The following PPP5C variants were observed in gnomAD, a reference collection of about 807,000 sequenced individuals.
PPP5C encodes the protein serine/threonine-protein phosphatase 5.
In PPP5C, 21 loss-of-function variants were observed where a neutral mutation model predicts 66.7. That is an observed-to-expected ratio of 0.31 (90% CI 0.22 to 0.45). The LOEUF (loss-of-function observed/expected upper bound fraction) is 0.45. PPP5C is among the 20% of genes least tolerant of loss of function. The pLI, the probability that PPP5C is intolerant of heterozygous loss-of-function variation, is 1.00. For missense variants in PPP5C, 464 were observed against 675.9 expected (o/e 0.69, Z 3.48); for synonymous variants, 246 against 257.4 (o/e 0.96, Z 0.43).
At chr19:46,379,957 T>A (rs1972762248) in intron 4 of PPP5C, among the ~76,000 whole-genome samples, 1 of 152,228 alleles carries the variant, frequency 6.6e-6, no homozygotes, top group Non-Finnish European at 1.5e-5. Flanking sequence ...AATGTGTAAC[T>A]TTAACTTGTC....
rs1436111253 is a variant in PPP5C at position 46,390,382 on chromosome 19, TC to T, written c.*38del. On this transcript the variant is annotated 3_prime_UTR_variant, in exon 13 of 13. Transcript: ENST00000012443. The stretch of plus-strand genomic sequence containing the variant: ...GGGGCGGCCTGCATCCCAGGGCCCC[TC>T]CAATCCCACCGGACCCAGGCCCTGG... 6.4e-7 allele frequency: 1 copy of T among 1,554,700 alleles called. No homozygotes were observed. Among genetic ancestry groups the T allele is most frequent in the Non-Finnish European group, 8.7e-7 (1 of 1,149,154 alleles).
chr19:46,368,464 A>T (rs957217324), intron 2 of PPP5C, among the ~76,000 whole-genome samples: 1 of 152,254 alleles, frequency 6.6e-6, no homozygotes, highest in African/African-American at 2.4e-5. Context: ...CCTCAGGGAC[A>T]TATCAGTCCT....
intron 7 of PPP5C, 66 bp from the exon 8 acceptor site, chr19:46,387,027 T>C: frequency 6.2e-7 from 1 of 1,609,724 alleles, no homozygotes; most frequent in South Asian, 1.1e-5. Flanking sequence ...GCCTTGAGGG[T>C]GCCAGGCTGG....
Position 46,388,763 on chromosome 19 carries a change from T to TC in PPP5C, c.1355+32_1355+33insC. On this transcript the variant is annotated intron_variant, in intron 11 of 12. Transcript: ENST00000012443. The surrounding 1 kb of genome is among the most constrained non-coding windows in gnomAD (Gnocchi z 4.9). ...CTTTGCCTTTCCAGCCCAGGGCCTC[T>TC]ACCAAGCCACGGGTTTTTGTCTTGG... 2 of 1,596,206 alleles carry TC rather than the reference T, an allele frequency of 1.3e-6. No individual in the cohort carries two copies. The highest frequency in any genetic ancestry group is 1.7e-6 in the Non-Finnish European group (2 of 1,169,198).
At chr19:46,377,996 C>T (rs532651504) in intron 4 of PPP5C, among the ~76,000 whole-genome samples, 3 of 152,298 alleles carry the variant, frequency 2.0e-5, no homozygotes, top group African/African-American at 7.2e-5. Flanking sequence ...TTGAATTTCT[C>T]TATTGATTGT....
intron 2 of PPP5C, among the ~76,000 whole-genome samples, chr19:46,361,132 T>A (rs575686420): frequency 0.016 from 2,272 of 143,952 alleles, 79 homozygotes; most frequent in African/African-American, 0.056. Flanking sequence ...AAAGAAAATT[T>A]TTTTTTTTTT....
chr19:46,390,115 C>T lies in PPP5C; in HGVS notation c.1420C>T (p.His474Tyr), dbSNP rs367960531. The T allele has an allele frequency of 1.7e-5, 27 of 1,614,130 alleles. No individual in the cohort carries two copies. Among genetic ancestry groups the T allele is most frequent in the South Asian group, 8.8e-5 (8 of 91,086 alleles). ...LQGSDLRPQF[H>Y]QFTAVPHPNV... is the part of the protein sequence containing the mutation. ...GGGCTCTGACCTACGGCCTCAGTTCCACCAGTTCACAGCAGTGGTGAGTCA... is the reference window on the plus strand; with the variant it reads ...GGGCTCTGACCTACGGCCTCAGTTCTACCAGTTCACAGCAGTGGTGAGTCA... The change falls in exon 12 of 13, where the codon CAC (histidine) becomes TAC (tyrosine). Residue 474 changes from histidine to tyrosine, a missense_variant. Physicochemically the swap from His to Tyr is moderately conservative, Grantham distance 83. Transcript: ENST00000012443.
chr19:46,388,391 C>T lies in PPP5C; in HGVS notation c.1136-17C>T. ...GGAGGTGGACGAGTCCCTAATGTTT[C>T]CCTCGCTCCCCACCAGGGCCCATGT... On this transcript the variant is annotated splice_polypyrimidine_tract_variant and intron_variant, in intron 9 of 12. Coordinates refer to ENST00000012443, the MANE Select transcript of PPP5C (RefSeq NM_006247.4). The surrounding 1 kb of genome is among the most constrained non-coding windows in gnomAD (Gnocchi z 4.9). 6.2e-7 allele frequency: 1 copy of T among 1,607,396 alleles called. No individual in the cohort carries two copies. Among genetic ancestry groups the T allele is most frequent in the South Asian group, 1.1e-5 (1 of 90,608 alleles).
Position 46,383,699 on chromosome 19 carries a change from T to C in PPP5C, c.700-81T>C. 1 of 1,225,874 alleles carries C rather than the reference T, an allele frequency of 8.2e-7. No homozygotes were observed. Among genetic ancestry groups the C allele is most frequent in the Non-Finnish European group, 1.2e-6 (1 of 836,946 alleles). The allele number at this position is 1,225,874 out of a possible 1,614,324, so 75.9% of individuals were successfully genotyped here. On this transcript the variant is annotated intron_variant, in intron 5 of 12. Coordinates refer to ENST00000012443, the MANE Select transcript of PPP5C (RefSeq NM_006247.4). The surrounding 1 kb of genome is among the most constrained non-coding windows in gnomAD (Gnocchi z 5.0). ...TGATTCTTCTTGGTCTACTGTGAAC[T>C]CTTACCCTTCCCCTCACCTCTGCCC...
rs1972821168 is a variant in PPP5C, at chr19:46,383,087, A to T, written c.634-324A>T. On this transcript the variant is annotated intron_variant, in intron 4 of 12. Coordinates refer to ENST00000012443, the MANE Select transcript of PPP5C (RefSeq NM_006247.4). The surrounding 1 kb of genome is among the most constrained non-coding windows in gnomAD (Gnocchi z 5.0). The stretch of plus-strand genomic sequence containing the variant: ...ATGACAGTGACATTGCGCTGTGTCC[A>T]GGCCAGTTCTTTTATAAAATGTTCT... 2.5e-6 allele frequency: 3 copies of T among 1,182,324 alleles called. No homozygotes were observed. Among genetic ancestry groups the T allele is most frequent in the East Asian group, 4.7e-5 (1 of 21,280 alleles). 73.2% of individuals were successfully genotyped at this position (1,182,324 alleles called of 1,614,324 possible).
chr19:46,387,564 A>G, intron 9 of PPP5C, 111 bp downstream of exon 9: 3 of 1,584,308 alleles, frequency 1.9e-6, no homozygotes, highest in Non-Finnish European at 2.6e-6. Context: ...TTGGCAAGAA[A>G]CAGCGGGTCT....
At chr19:46,372,994 T>G (rs1197308804) in intron 2 of PPP5C, among the ~76,000 whole-genome samples, 1 of 152,224 alleles carries the variant, frequency 6.6e-6, no homozygotes, top group Non-Finnish European at 1.5e-5. Context: ...GGATGAGCAC[T>G]TGCCTGCTGC....
Position 46,376,615 on chromosome 19 carries a change from G to A in PPP5C, c.633+41G>A, listed in dbSNP as rs772090171. ...GGTACTGGGCACCCGGGAACCCTGG[G>A]ATGGCATCACAGCACTGCCAGCCGC... On this transcript the variant is annotated intron_variant, in intron 4 of 12. Transcript: ENST00000012443. The surrounding 1 kb of genome is among the most constrained non-coding windows in gnomAD (Gnocchi z 5.1). The A allele has an allele frequency of 1.2e-6, 2 of 1,604,542 alleles. No individual in the cohort carries two copies. The highest frequency in any genetic ancestry group is 1.7e-6 in the Non-Finnish European group (2 of 1,174,758).
chr19:46,359,241 A>G lies in PPP5C; in HGVS notation c.363+5252A>G, dbSNP rs1012519713. 2.4e-4 allele frequency among the ~76,000 whole-genome samples: 37 copies of G among 152,202 alleles called. 1 individual carries two copies. The highest frequency in any genetic ancestry group is 8.4e-4 in the African/African-American group (35 of 41,524). ...GAGTGGCAAAAAGAAGACCTGAATCAAGTCACTGATTTATACAGCTGCGTC... is the reference window on the plus strand; with the variant it reads ...GAGTGGCAAAAAGAAGACCTGAATCGAGTCACTGATTTATACAGCTGCGTC... On this transcript the variant is annotated intron_variant, in intron 2 of 12. Coordinates refer to ENST00000012443, the MANE Select transcript of PPP5C (RefSeq NM_006247.4).
At chr19:46,358,084 C>T (rs374877387) in intron 2 of PPP5C, among the ~76,000 whole-genome samples, 2 of 152,192 alleles carry the variant, frequency 1.3e-5, no homozygotes, top group African/African-American at 4.8e-5. Context: ...CATGAGCATG[C>T]AAAAAGACAC....
chr19:46,353,172 TC>T (rs777465295), intron 1 of PPP5C, among the ~76,000 whole-genome samples: 3 of 152,174 alleles, frequency 2.0e-5, no homozygotes, highest in Non-Finnish European at 2.9e-5. Flanking sequence ...TGGTCCTTAC[TC>T]CCGTGGAGAC....
At position 46,387,217 on chromosome 19, in the gene PPP5C, C is replaced by T. The variant is rs1357268110; in HGVS notation, c.1029C>T (p.Cys343=). ...TCGAGTGGCTCCCGTTGGCCCAGTG[C>T]ATCAACGGCAAAGTGCTGGTGAGGA... ...EVFEWLPLAQ[C]INGKVLIMHG... Residue 343 remains cysteine (C), a synonymous_variant, in exon 8 of 13, where the codon TGC becomes TGT. Coordinates refer to ENST00000012443, the MANE Select transcript of PPP5C (RefSeq NM_006247.4). 6.2e-7 allele frequency: 1 copy of T among 1,614,242 alleles called. No homozygotes were observed. The highest frequency in any genetic ancestry group is 8.5e-7 in the Non-Finnish European group (1 of 1,180,046).
intron 9 of PPP5C, chr19:46,387,670 C>T (rs1173226404): frequency 6.7e-7 from 1 of 1,486,938 alleles, no homozygotes; most frequent in African/African-American, 1.4e-5. Flanking sequence ...GGGGTGAAGG[C>T]ACGGTGACCG....
At chr19:46,390,165 A>C in intron 12 of PPP5C, 33 bp downstream of exon 12, 1 of 1,610,144 alleles carries the variant, frequency 6.2e-7, no homozygotes, top group Non-Finnish European at 8.5e-7. Flanking sequence ...TGCCCCTTCC[A>C]TCCCGGCCTG....
Sources: allele counts gnomAD v4.1 joint callset (sites outside exome capture counted in the v4.1 genomes callset), GRCh38; gene constraint gnomAD v4.1.1; non-coding constraint Gnocchi (gnomAD v3.1); transcripts MANE v1.5; gene names NCBI Gene and HGNC (gene_info 2026-07-23, HGNC 2026-07-21).